SH3RF1: variants seen among roughly 807,000 people sequenced by gnomAD.
SH3RF1 encodes SH3 domain containing ring finger 1.
A neutral mutation model predicts 74.0 loss-of-function variants in SH3RF1; 32 were observed. The ratio of observed to expected loss-of-function variants is 0.43; its 90% CI spans 0.33 to 0.58. The LOEUF (loss-of-function observed/expected upper bound fraction) is 0.58, where lower values mean the gene tolerates loss of function less well. SH3RF1 is among the 20% of genes least tolerant of loss of function. The pLI is 0.05. For missense variants in SH3RF1, 954 were observed against 1,130.9 expected (o/e 0.84, Z 2.24); for synonymous variants, 396 against 439.6 (o/e 0.90, Z 1.24).
rs1406073332 is a variant in SH3RF1, at chr4:169,096,166, C to T, written c.*353G>A. 4 of 181,234 alleles carry T rather than the reference C, an allele frequency of 2.2e-5. No homozygotes were observed. The highest frequency in any genetic ancestry group is 6.2e-5 in the Admixed American group (1 of 16,230). The allele number at this position is 181,234 out of a possible 1,614,324, so 11.2% of individuals were successfully genotyped here. ...TTTCTTAAAATCATAATCCAAAGAA[C>T]GTATCTATTATACGAAAAGTTCAAG... On this transcript the variant is annotated 3_prime_UTR_variant, in exon 12 of 12. Coordinates refer to ENST00000284637, the MANE Select transcript of SH3RF1 (RefSeq NM_020870.4).
intron 2 of SH3RF1, among the ~76,000 whole-genome samples, chr4:169,181,317 C>T (rs1326489786): frequency 7.4e-6 from 1 of 135,996 alleles, no homozygotes; most frequent in Non-Finnish European, 1.5e-5. Context: ...GGCTGGAGTG[C>T]AGTGGTGCCA....
At chr4:169,127,467 G>T (rs1404194761) in intron 6 of SH3RF1, among the ~76,000 whole-genome samples, 1 of 152,146 alleles carries the variant, frequency 6.6e-6, no homozygotes, top group African/African-American at 2.4e-5. Context: ...GATGCAGAGG[G>T]CTCCTGCTAC....
At chr4:169,218,509 G>T (rs1287502044) in intron 2 of SH3RF1, among the ~76,000 whole-genome samples, 6 of 144,368 alleles carry the variant, frequency 4.2e-5, no homozygotes, top group Non-Finnish European at 7.5e-5. Context: ...ATATATATTT[G>T]CCCCCAAAAC....
Position 169,192,763 on chromosome 4 carries a change from G to A in SH3RF1, c.394-36084C>T, listed in dbSNP as rs28847146. ...TAGCCATCAACAAATGGATAAAGAAGCTGTTTCATATATATATACATATAT... is the reference window on the plus strand; with the variant it reads ...TAGCCATCAACAAATGGATAAAGAAACTGTTTCATATATATATACATATAT... On this transcript the variant is annotated intron_variant, in intron 2 of 11. Transcript: ENST00000284637. 4.0e-3 allele frequency among the ~76,000 whole-genome samples: 594 copies of A among 149,206 alleles called. 5 individuals carry two copies. The highest frequency in any genetic ancestry group is 0.014 in the African/African-American group (576 of 40,612).
At chr4:169,157,673 G>T (rs1006436958) in intron 2 of SH3RF1, among the ~76,000 whole-genome samples, 2 of 152,088 alleles carry the variant, frequency 1.3e-5, no homozygotes, top group South Asian at 4.1e-4. Context: ...AGATTACAGG[G>T]CTCCTGCTTT....
intron 2 of SH3RF1, among the ~76,000 whole-genome samples, chr4:169,205,101 G>C (rs1051177584): frequency 6.6e-6 from 1 of 152,170 alleles, no homozygotes; most frequent in Admixed American, 6.5e-5. Context: ...GGGAGTGAAG[G>C]GAAATAGCTT....
intron 2 of SH3RF1, among the ~76,000 whole-genome samples, chr4:169,230,583 G>A (rs1291567877): frequency 6.6e-6 from 1 of 152,032 alleles, no homozygotes; most frequent in East Asian, 1.9e-4. Context: ...TTCCACGTGG[G>A]CGCAGTGACT....
chr4:169,149,524 A>G (rs1449640206), intron 4 of SH3RF1, among the ~76,000 whole-genome samples: 1 of 152,226 alleles, frequency 6.6e-6, no homozygotes. Flanking sequence ...ATTACAGATG[A>G]AAGTATGGTG....
chr4:169,237,369 G>C (rs775195119), intron 2 of SH3RF1, among the ~76,000 whole-genome samples: 1 of 152,190 alleles, frequency 6.6e-6, no homozygotes, highest in African/African-American at 2.4e-5. Context: ...GGCTGGACAC[G>C]ATGGCTCATG....
chr4:169,268,500 C>T (rs1731390075), intron 2 of SH3RF1, among the ~76,000 whole-genome samples: 1 of 152,158 alleles, frequency 6.6e-6, no homozygotes, highest in Admixed American at 6.5e-5. Context: ...TGATAAAATA[C>T]CAAATTTCCA....
intron 5 of SH3RF1, among the ~76,000 whole-genome samples, chr4:169,134,720 C>T (rs1017676476): frequency 4.6e-5 from 7 of 152,264 alleles, no homozygotes; most frequent in South Asian, 2.1e-4. Context: ...TTTTCTCACA[C>T]GGATATGATT....
At chr4:169,242,929 G>A (rs1187931430) in intron 2 of SH3RF1, among the ~76,000 whole-genome samples, 1 of 152,142 alleles carries the variant, frequency 6.6e-6, no homozygotes, top group African/African-American at 2.4e-5. Context: ...CAGCACAAAT[G>A]GACCAAGACA....
chr4:169,248,189 G>A (rs938211425), intron 2 of SH3RF1, among the ~76,000 whole-genome samples: 13 of 152,250 alleles, frequency 8.5e-5, no homozygotes, highest in East Asian at 3.9e-4. Context: ...ACATGCACAC[G>A]TATGTTTACT....
At chr4:169,180,699 T>C (rs1235810811) in intron 2 of SH3RF1, among the ~76,000 whole-genome samples, 2 of 152,140 alleles carry the variant, frequency 1.3e-5, no homozygotes, top group African/African-American at 2.4e-5. Flanking sequence ...TCATAGACAC[T>C]GTGAAATCGT....
chr4:169,202,199 G>A (rs528483960), intron 2 of SH3RF1, among the ~76,000 whole-genome samples: 11 of 152,108 alleles, frequency 7.2e-5, no homozygotes, highest in Non-Finnish European at 1.5e-4. Flanking sequence ...GGCCTACTTC[G>A]TGTTCTTGGT....
intron 4 of SH3RF1, among the ~76,000 whole-genome samples, chr4:169,151,275 TACTC>T (rs1733971712): frequency 6.6e-6 from 1 of 152,044 alleles, no homozygotes; most frequent in Non-Finnish European, 1.5e-5. Flanking sequence ...TAACTGGAAA[TACTC>T]ACAGAGAGAA....
chr4:169,157,589 C>T (rs1414803380), intron 2 of SH3RF1, among the ~76,000 whole-genome samples: 1 of 152,196 alleles, frequency 6.6e-6, no homozygotes, highest in Admixed American at 6.5e-5. Context: ...TTTGGCCTCT[C>T]TGAGCGCTGT....
chr4:169,166,640 G>C (rs1734250767), intron 2 of SH3RF1: 2 of 204,550 alleles, frequency 9.8e-6, no homozygotes, highest in Admixed American at 9.5e-5. Flanking sequence ...TGTCTCAAAA[G>C]CTGCTGAGCC....
At position 169,094,786 on chromosome 4, in the gene SH3RF1, A is replaced by T. The variant is rs2245118; in HGVS notation, c.*1733T>A. ...AACATAATATACATTGTTTTTTTTT[A>T]AAAAAAAGGTTAATTTAGGAATGAT... On this transcript the variant is annotated 3_prime_UTR_variant, in exon 12 of 12. Coordinates refer to ENST00000284637, the MANE Select transcript of SH3RF1 (RefSeq NM_020870.4). 94,285 of 145,018 alleles carry T rather than the reference A, an allele frequency of 0.65. 31,165 individuals are homozygous for T. The highest frequency in any genetic ancestry group is 0.84 in the East Asian group (4,287 of 5,118). 9.0% of individuals were successfully genotyped at this position (145,018 alleles called of 1,614,324 possible).
Sources: allele counts gnomAD v4.1 joint callset (sites outside exome capture counted in the v4.1 genomes callset), GRCh38; gene constraint gnomAD v4.1.1; transcripts MANE v1.5; gene names NCBI Gene and HGNC (gene_info 2026-07-23, HGNC 2026-07-21).